Variants in SCFD1 observed in about 807,000 individuals in gnomAD.
The protein encoded by SCFD1 is sec1 family domain-containing protein 1.
Under a neutral mutation model 103.2 loss-of-function variants are expected in SCFD1, and 37 were observed. The ratio of observed to expected loss-of-function variants is 0.36; its 90% CI spans 0.28 to 0.47. The LOEUF (loss-of-function observed/expected upper bound fraction) is 0.47, where lower values mean the gene tolerates loss of function less well. Among genes scored for constraint, SCFD1 ranks in the 20% least tolerant of loss-of-function variants. SCFD1 has a pLI of 1.00. For synonymous variants in SCFD1, 264 were observed against 245.0 expected, an observed-to-expected ratio of 1.08 and a Z score of -0.73; for missense variants, 639 against 761.2, an observed-to-expected ratio of 0.84 and a Z score of 1.89.
chr14:30,704,208 C>T (rs1162163274), intron 17 of SCFD1, among the ~76,000 whole-genome samples: 1 of 151,718 alleles, frequency 6.6e-6, no homozygotes, highest in Non-Finnish European at 1.5e-5. Context: ...CAAGGTCTTG[C>T]TCTGCCACTC....
At chr14:30,622,562 C>G in intron 1 of SCFD1, 163 bp downstream of exon 1, 2 of 1,253,000 alleles carry the variant, frequency 1.6e-6, no homozygotes, top group South Asian at 3.5e-5. Context: ...TTGCCATTAG[C>G]TTGAGGACTC....
At chr14:30,720,550 C>T (rs1474055174) in intron 21 of SCFD1, among the ~76,000 whole-genome samples, 6 of 151,880 alleles carry the variant, frequency 4.0e-5, no homozygotes, top group South Asian at 2.1e-4. Flanking sequence ...AATCAGGGTT[C>T]GAAAATATTT....
intron 13 of SCFD1, among the ~76,000 whole-genome samples, chr14:30,674,457 A>G (rs1051954538): frequency 3.3e-5 from 5 of 152,144 alleles, no homozygotes; most frequent in Non-Finnish European, 5.9e-5. Flanking sequence ...CCTGGCCAAC[A>G]TGGTGAAACT....
intron 23 of SCFD1, among the ~76,000 whole-genome samples, chr14:30,724,098 G>C (rs947535200): frequency 7.6e-6 from 1 of 131,122 alleles, no homozygotes; most frequent in African/African-American, 3.2e-5. Flanking sequence ...AAAAAAAAAG[G>C]CTGACTGGTG....
In SCFD1 at chr14:30,637,053, G is replaced by C. The variant is rs1884796218; in HGVS notation, c.313-1072G>C. On this transcript the variant is annotated intron_variant, in intron 4 of 24. Transcript: ENST00000458591. ...CTCTGGTTGCTTTCTGTAAAGAATG[G>C]TATTTAGGAATCAGGATCTAGGCAT... 2.0e-5 allele frequency among the ~76,000 whole-genome samples: 3 copies of C among 152,068 alleles called. No homozygotes were observed. The South Asian group carries it at 6.2e-4, about 31-fold the overall frequency.
chr14:30,634,181 C>A, intron 4 of SCFD1, 144 bp downstream of exon 4: 2 of 575,514 alleles, frequency 3.5e-6, no homozygotes, highest in South Asian at 2.2e-5. Context: ...CTTTGAATTC[C>A]AAATAGCCTG....
chr14:30,642,305 A>C (rs987029298), intron 6 of SCFD1, among the ~76,000 whole-genome samples: 1 of 152,122 alleles, frequency 6.6e-6, no homozygotes. Context: ...CCAGGCTAGT[A>C]GTCTCAAACT....
intron 1 of SCFD1, among the ~76,000 whole-genome samples, chr14:30,625,888 T>C (rs1223834419): frequency 2.0e-5 from 3 of 152,136 alleles, no homozygotes; most frequent in African/African-American, 7.2e-5. Context: ...AGCTAAGGCC[T>C]AACTGTGCAG....
At chr14:30,730,438 T>A (rs554565900) in intron 23 of SCFD1, among the ~76,000 whole-genome samples, 1 of 152,344 alleles carries the variant, frequency 6.6e-6, no homozygotes, top group East Asian at 1.9e-4. Context: ...CGCCACACTG[T>A]CTTCCCCAAT....
chr14:30,656,300 TA>T (rs1451362053), intron 10 of SCFD1, among the ~76,000 whole-genome samples: 3 of 151,788 alleles, frequency 2.0e-5, no homozygotes, highest in Non-Finnish European at 4.4e-5. Context: ...AACATGTTTG[TA>T]TACTAATGGG....
rs1192916897 is a variant in SCFD1 at position 30,735,615 on chromosome 14, A to C, written c.*6A>C. The C allele has an allele frequency of 6.3e-7, 1 of 1,589,202 alleles. No homozygotes were observed. The highest frequency in any genetic ancestry group is 8.6e-7 in the Non-Finnish European group (1 of 1,163,028). On this transcript the variant is annotated 3_prime_UTR_variant, in exon 25 of 25. Transcript: ENST00000458591. Reference sequence around the variant, plus strand: ...CACAACTTGGACAAAAGTAACACAGAAGAACCTTACTATGATAATCTACTT... The same window carrying C: ...CACAACTTGGACAAAAGTAACACAGCAGAACCTTACTATGATAATCTACTT...
chr14:30,631,860 A>G (rs1379797486), intron 3 of SCFD1, among the ~76,000 whole-genome samples: 1 of 152,082 alleles, frequency 6.6e-6, no homozygotes, highest in Non-Finnish European at 1.5e-5. Flanking sequence ...AGCCTGGCCA[A>G]CATGGTGAAA....
intron 23 of SCFD1, among the ~76,000 whole-genome samples, chr14:30,728,720 A>G (rs1327075761): frequency 1.3e-5 from 2 of 152,100 alleles, no homozygotes; most frequent in Non-Finnish European, 2.9e-5. Flanking sequence ...CCACTTCATT[A>G]CTAACACTTG....
Position 30,671,437 on chromosome 14 carries a change from C to G in SCFD1, c.995+1042C>G, listed in dbSNP as rs547149810. Among the ~76,000 whole-genome samples the G allele has an allele frequency of 3.3e-5, 5 of 152,096 alleles. No individual in the cohort carries two copies. In the South Asian group the frequency reaches 8.3e-4, roughly 25 times the overall value. On this transcript the variant is annotated intron_variant, in intron 11 of 24. Transcript: ENST00000458591. ...CAAGAAATTACTTTTATTAGAGAGG[C>G]ATTATTTATAGAGAATACAGAATAT... is the stretch of plus-strand genomic sequence containing the variant.
intron 14 of SCFD1, among the ~76,000 whole-genome samples, chr14:30,684,021 T>C (rs943267087): frequency 6.6e-6 from 1 of 152,160 alleles, no homozygotes; most frequent in African/African-American, 2.4e-5. Context: ...GTAGTGTCTA[T>C]AGCTAGAATG....
At chr14:30,699,056 TA>T (rs149083202) in intron 15 of SCFD1, among the ~76,000 whole-genome samples, 2,953 of 152,300 alleles carry the variant, frequency 0.019, 52 homozygotes, top group Middle Eastern at 0.034. Flanking sequence ...TGAATCAGGC[TA>T]ATTACCTGTT....
Position 30,716,643 on chromosome 14 carries a change from C to T in SCFD1, c.1683+666C>T, listed in dbSNP as rs750902341. On this transcript the variant is annotated intron_variant, in intron 20 of 24. Coordinates refer to ENST00000458591, the MANE Select transcript of SCFD1 (RefSeq NM_016106.4). ...TCAAAAACAGGCAGCATGAGCCTACCGACATCAAAACCCTGGTTTGAGTTT... is the reference window on the plus strand; with the variant it reads ...TCAAAAACAGGCAGCATGAGCCTACTGACATCAAAACCCTGGTTTGAGTTT... Among the ~76,000 whole-genome samples the T allele has an allele frequency of 7.2e-5, 11 of 152,276 alleles. No individual in the cohort carries two copies. The East Asian group carries it at 9.6e-4, about 13-fold the overall frequency.
At chr14:30,636,545 T>C (rs1884743168) in intron 4 of SCFD1, among the ~76,000 whole-genome samples, 1 of 152,102 alleles carries the variant, frequency 6.6e-6, no homozygotes, top group South Asian at 2.1e-4. Flanking sequence ...CACAGATATC[T>C]TGTTTGATTT....
intron 19 of SCFD1, among the ~76,000 whole-genome samples, chr14:30,714,076 G>A (rs903183733): frequency 3.3e-5 from 5 of 151,616 alleles, no homozygotes; most frequent in Admixed American, 6.6e-5. Context: ...GGCCGGGCGC[G>A]GTGGCTCACG....
Sources: gnomAD v4.1 joint callset for allele counts (sites outside exome capture counted in the v4.1 genomes callset) on GRCh38, gnomAD v4.1.1 for gene constraint, MANE v1.5 for transcripts, NCBI Gene and HGNC (gene_info 2026-07-23, HGNC 2026-07-21) for gene names.